PLXNA4: variants seen among roughly 807,000 people sequenced by gnomAD.
PLXNA4 encodes plexin-A4.
In PLXNA4, 44 loss-of-function variants were observed where a neutral mutation model predicts 191.8. That is an observed-to-expected ratio of 0.23 (90% CI 0.18 to 0.29). PLXNA4 has a LOEUF of 0.29. Among genes scored for constraint, PLXNA4 ranks in the 10% least tolerant of loss-of-function variants. The pLI, the probability that PLXNA4 is intolerant of heterozygous loss-of-function variation, is 1.00. For synonymous variants in PLXNA4, 1,082 were observed against 1,009.5 expected (o/e 1.07, Z -1.36); for missense variants, 1,800 against 2,488.8 (o/e 0.72, Z 5.89).
chr7:132,563,770 TTCC>T (rs1391453356), intron 1 of PLXNA4, among the ~76,000 whole-genome samples: 2 of 44,212 alleles, frequency 4.5e-5, no homozygotes, highest in Admixed American at 2.3e-4. Flanking sequence ...CCTTTTCCTC[TTCC>T]TCCTCCTCTT....
chr7:132,384,324 C>T (rs1805025209), intron 3 of PLXNA4: 5 of 985,340 alleles, frequency 5.1e-6, no homozygotes, highest in East Asian at 1.1e-4. Context: ...CCTTCATACA[C>T]TCTTGACTAC....
intron 30 of PLXNA4, among the ~76,000 whole-genome samples, chr7:132,134,549 C>T (rs2116512388): frequency 6.6e-6 from 1 of 152,262 alleles, no homozygotes; most frequent in South Asian, 2.1e-4. Flanking sequence ...AATGGGGAGG[C>T]AGAGGGAGGG....
intron 1 of PLXNA4, among the ~76,000 whole-genome samples, chr7:132,535,055 T>C (rs1361858364): frequency 6.6e-6 from 1 of 152,164 alleles, no homozygotes; most frequent in Non-Finnish European, 1.5e-5. Flanking sequence ...CAGGCACTGG[T>C]AATCAATAAG....
Position 132,227,438 on chromosome 7 carries a change from C to T in PLXNA4, c.1882+13G>A, listed in dbSNP as rs1184904283. ...GAAGAAGTGCCACTCAGCTGTGCCT[C>T]CGGGATGCTCACCATTCTCTGTGAT... On this transcript the variant is annotated intron_variant, in intron 7 of 31. Coordinates refer to ENST00000321063, the MANE Select transcript of PLXNA4 (RefSeq NM_020911.2). 3.7e-6 allele frequency: 6 copies of T among 1,613,978 alleles called. No individual in the cohort carries two copies. The African/African-American group carries it at 6.7e-5, about 18-fold the overall frequency.
intron 1 of PLXNA4, among the ~76,000 whole-genome samples, chr7:132,554,671 T>C (rs1800711711): frequency 1.3e-5 from 2 of 152,160 alleles, no homozygotes; most frequent in Admixed American, 1.3e-4. Flanking sequence ...TGGCTGGCTT[T>C]ACACAGGAGA....
intron 10 of PLXNA4, among the ~76,000 whole-genome samples, chr7:132,207,520 G>T (rs1227472301): frequency 6.6e-6 from 1 of 152,180 alleles, no homozygotes; most frequent in Non-Finnish European, 1.5e-5. Context: ...CTCCACTGCT[G>T]CCTGTGAGTC....
chr7:132,187,529 G>T lies in PLXNA4; in HGVS notation c.2935C>A (p.Leu979Met). Residue 979 changes from leucine to methionine, a missense_variant, in exon 15 of 32, where the codon CTG becomes ATG. By Grantham distance (15) the Leu-to-Met change is conservative. This residue lies in a region of PLXNA4 where 1,397 missense variants were observed against 1,880.4 expected (regional missense o/e 0.74). Transcript: ENST00000321063. ...GTQVTITGTN[L>M]NAGSNVVVMF... ...ACCACCACGTTGCTTCCGGCATTCA[G>T]GTTGGTGCCTGTGATGGTCACTTGG... The T allele has an allele frequency of 6.2e-7, 1 of 1,614,188 alleles. No homozygotes were observed. Among genetic ancestry groups the T allele is most frequent in the Non-Finnish European group, 8.5e-7 (1 of 1,179,992 alleles).
At chr7:132,394,237 C>T (rs1041018177) in intron 3 of PLXNA4, among the ~76,000 whole-genome samples, 1 of 152,192 alleles carries the variant, frequency 6.6e-6, no homozygotes, top group Non-Finnish European at 1.5e-5. Flanking sequence ...GTAGAGCTGC[C>T]TCTGTCCTAC....
At chr7:132,151,355 A>AAGGAGGAGGAGGAGGAAGG (rs1169494175) in intron 25 of PLXNA4, among the ~76,000 whole-genome samples, 1 of 28,690 alleles carries the variant, frequency 3.5e-5, no homozygotes, top group African/African-American at 1.1e-4. Context: ...GAGGAAGAAG[A>AAGGAGGAGGAGGAGGAAGG]AGGAGGAGGA....
intron 4 of PLXNA4, among the ~76,000 whole-genome samples, chr7:132,264,901 T>C (rs1052776795): frequency 6.6e-6 from 1 of 152,170 alleles, no homozygotes; most frequent in Non-Finnish European, 1.5e-5. Flanking sequence ...TTTCACCATG[T>C]TGGCCAGGCT....
chr7:132,160,238 T>C (rs1324777096), intron 24 of PLXNA4, among the ~76,000 whole-genome samples: 1 of 152,200 alleles, frequency 6.6e-6, no homozygotes, highest in Non-Finnish European at 1.5e-5. Flanking sequence ...ACTTAATGTA[T>C]TCTTTAAAAA....
chr7:132,189,027 AGAAAGAGAGAGAGAGAGAGAGAGAGAGAG>A (rs1562909124), intron 14 of PLXNA4, among the ~76,000 whole-genome samples: 12 of 93,584 alleles, frequency 1.3e-4, no homozygotes, highest in African/African-American at 5.0e-4. Context: ...AGAGAGAGAG[AGAAAGAGAGAGAGAGAGAGAGAGAGAGAG>A]AGAGAGAGAG....
chr7:132,426,165 G>A lies in PLXNA4; in HGVS notation c.1371+63127C>T, dbSNP rs371533059. ...CAACTGGAGGAGTGTCAAGAAGTGC[G>A]GCCAAGCAAGAGAAGATGCCCAGAG... On this transcript the variant is annotated intron_variant, in intron 3 of 31. Transcript: ENST00000321063. Among the ~76,000 whole-genome samples, 5 of 152,298 alleles carry A rather than the reference G, an allele frequency of 3.3e-5. No homozygotes were observed. In the South Asian group the frequency reaches 6.2e-4, roughly 19 times the overall value.
At chr7:132,550,408 C>G (rs1222584194) in intron 1 of PLXNA4, among the ~76,000 whole-genome samples, 1 of 152,196 alleles carries the variant, frequency 6.6e-6, no homozygotes, top group Non-Finnish European at 1.5e-5. Flanking sequence ...GACATACAGC[C>G]TGATCTCTTT....
chr7:132,272,528 A>G (rs573526350), intron 4 of PLXNA4, among the ~76,000 whole-genome samples: 2 of 152,320 alleles, frequency 1.3e-5, no homozygotes, highest in South Asian at 2.1e-4. Context: ...CTGTTTGACA[A>G]TCAAGTCTTG....
chr7:132,644,487 A>C (rs6965827), intron 2 of PLXNA4, among the ~76,000 whole-genome samples: 1 of 151,860 alleles, frequency 6.6e-6, no homozygotes, highest in South Asian at 2.1e-4. Context: ...CCTCCTTCTC[A>C]CTCCACAGGG....
intron 1 of PLXNA4, among the ~76,000 whole-genome samples, chr7:132,562,692 TCCTCCTCCTCCTTCA>T (rs1195090172): frequency 2.3e-5 from 2 of 86,650 alleles, no homozygotes; most frequent in Admixed American, 1.1e-4. Context: ...CTCCTCCTTT[TCCTCCTCCTCCTTCA>T]CCTCCTCCTC....
At chr7:132,560,118 T>C (rs1800974233) in intron 1 of PLXNA4, among the ~76,000 whole-genome samples, 5 of 152,182 alleles carry the variant, frequency 3.3e-5, no homozygotes, top group Admixed American at 3.3e-4. Context: ...AGGACATTAT[T>C]CCTAATGGGC....
intron 3 of PLXNA4, among the ~76,000 whole-genome samples, chr7:132,406,197 G>A (rs1794212444): frequency 6.6e-6 from 1 of 152,208 alleles, no homozygotes; most frequent in African/African-American, 2.4e-5. Flanking sequence ...TCCTTCCAAT[G>A]ACTAATTCTC....
Sources: allele counts gnomAD v4.1 joint callset (sites outside exome capture counted in the v4.1 genomes callset), GRCh38; gene constraint gnomAD v4.1.1; regional missense constraint gnomAD v4.1.1; transcripts MANE v1.5; gene names NCBI Gene and HGNC (gene_info 2026-07-23, HGNC 2026-07-21).